Variants in GRM4 observed in about 807,000 individuals in gnomAD.
GRM4 encodes the protein glutamate metabotropic receptor 4, also known as metabotropic glutamate receptor 4.
GRM4 carries 28 observed loss-of-function variants against 81.7 expected under a neutral mutation model. The observed-to-expected ratio is 0.34, with a 90% CI of 0.25 to 0.47. The LOEUF (loss-of-function observed/expected upper bound fraction) is 0.47. GRM4 is among the 20% of genes least tolerant of loss of function. The pLI, the probability that GRM4 is intolerant of heterozygous loss-of-function variation, is 1.00. For missense variants in GRM4, 948 were observed against 1,290.0 expected, an observed-to-expected ratio of 0.73 and a Z score of 4.06; for synonymous variants, 488 against 528.8, an observed-to-expected ratio of 0.92 and a Z score of 1.06.
chr6:34,148,452 A>C (rs1770985867), upstream of GRM4, among the ~76,000 whole-genome samples: 1 of 151,832 alleles, frequency 6.6e-6, no homozygotes, highest in Non-Finnish European at 1.5e-5. Context: ...ACACACACAC[A>C]CCTCAAAGAA....
At position 34,034,624 on chromosome 6, in the gene GRM4, G is replaced by A. The variant is rs1378644654; in HGVS notation, c.2442+1044C>T. ...GTTCCCCACTCCTCTGGCTTCCTCA[G>A]CTCCACACTCCTTACAGTGTATTAA... On this transcript the variant is annotated intron_variant, in intron 9 of 10. Coordinates refer to ENST00000538487, the MANE Select transcript of GRM4 (RefSeq NM_000841.4). This position sits in a 1 kb window ranked among gnomAD's most constrained non-coding sequence, Gnocchi z 4.0. Among the ~76,000 whole-genome samples the A allele has an allele frequency of 6.6e-6, 1 of 152,172 alleles. No homozygotes were observed.
In GRM4 at chr6:34,092,395, G is replaced by T. The variant is rs1768283808; in HGVS notation, c.520-296C>A. ...CCTAAATTTACACAAAGAGCTCAAA[G>T]ATCCCAGCCCAGGGAAAATCCCCAC... is the stretch of plus-strand genomic sequence containing the variant. On this transcript the variant is annotated intron_variant, in intron 2 of 10. Transcript: ENST00000538487. This position sits in a 1 kb window ranked among gnomAD's most constrained non-coding sequence, Gnocchi z 6.8. Among the ~76,000 whole-genome samples the T allele has an allele frequency of 6.6e-6, 1 of 152,166 alleles. No individual in the cohort carries two copies. Among genetic ancestry groups the T allele is most frequent in the Non-Finnish European group, 1.5e-5 (1 of 68,014 alleles).
intron 2 of GRM4, among the ~76,000 whole-genome samples, chr6:34,113,269 G>A (rs1769459984): frequency 3.3e-5 from 5 of 151,800 alleles, no homozygotes; most frequent in South Asian, 2.1e-4. Context: ...CTCCCACCTC[G>A]GCCTCCTGAT....
chr6:34,019,787 C>T lies in GRM4; in HGVS notation c.*3034G>A, dbSNP rs1763805334. The T allele has an allele frequency of 6.6e-6, 1 of 152,188 alleles. No homozygotes were observed. The highest frequency in any genetic ancestry group is 1.5e-5 in the Non-Finnish European group (1 of 68,036). 9.4% of individuals were successfully genotyped at this position (152,188 alleles called of 1,614,324 possible). A position where few individuals can be genotyped will look rare whatever the true frequency, so the allele number is the denominator to read the frequency against. On this transcript the variant is annotated 3_prime_UTR_variant, in exon 11 of 11. Coordinates refer to ENST00000538487, the MANE Select transcript of GRM4 (RefSeq NM_000841.4). ...AAGATACTTAGCAGCTTTCTCCAGT[C>T]ATTAATAATTGAGGATGAGAGCAAA...
intron 1 of GRM4, among the ~76,000 whole-genome samples, chr6:34,139,714 G>A (rs542250220): frequency 1.4e-4 from 22 of 152,230 alleles, no homozygotes; most frequent in Non-Finnish European, 1.9e-4. Context: ...CAAAGCCAGC[G>A]CCCTGCCCAG....
chr6:34,120,703 C>T (rs2127503644), intron 2 of GRM4, among the ~76,000 whole-genome samples: 1 of 152,248 alleles, frequency 6.6e-6, no homozygotes, highest in East Asian at 1.9e-4. Context: ...GGATAGCCAA[C>T]CTCCACACAC....
At chr6:34,083,841 TC>T (rs1446479302) in intron 3 of GRM4, among the ~76,000 whole-genome samples, 1 of 152,088 alleles carries the variant, frequency 6.6e-6, no homozygotes, top group Non-Finnish European at 1.5e-5. Flanking sequence ...AAACCCCCGC[TC>T]CCTGCTCATT....
chr6:34,124,800 G>A (rs1769957719), intron 2 of GRM4, among the ~76,000 whole-genome samples: 2 of 152,104 alleles, frequency 1.3e-5, no homozygotes, highest in African/African-American at 4.8e-5. Flanking sequence ...TTCCAGATGG[G>A]AGACAGAAAG....
intron 2 of GRM4, among the ~76,000 whole-genome samples, chr6:34,129,718 C>T (rs1325674300): frequency 1.3e-5 from 2 of 152,152 alleles, no homozygotes; most frequent in Non-Finnish European, 2.9e-5. Flanking sequence ...AGAGGGCACC[C>T]GGCTTTGAGC....
intron 2 of GRM4, among the ~76,000 whole-genome samples, chr6:34,108,694 C>T (rs571271231): frequency 6.6e-6 from 1 of 152,310 alleles, no homozygotes; most frequent in African/African-American, 2.4e-5. Flanking sequence ...GCAGAGACCT[C>T]CCAATGTCCA....
At chr6:34,099,316 G>T (rs1265956621) in intron 2 of GRM4, among the ~76,000 whole-genome samples, 1 of 152,212 alleles carries the variant, frequency 6.6e-6, no homozygotes, top group Non-Finnish European at 1.5e-5. Flanking sequence ...CCTGCCCTCA[G>T]CCTGCAGGGG....
chr6:34,048,903 A>G lies in GRM4; in HGVS notation c.1168+7641T>C, dbSNP rs543207857. 4.6e-5 allele frequency among the ~76,000 whole-genome samples: 7 copies of G among 152,212 alleles called. No individual in the cohort carries two copies. Among genetic ancestry groups the G allele is most frequent in the Admixed American group, 2.0e-4 (3 of 15,288 alleles). ...TTCCTGTACAGCCTGCAGAACTGTG[A>G]GCCAATTAAACCTCCTGTCTTCATA... is the stretch of plus-strand genomic sequence containing the variant. On this transcript the variant is annotated intron_variant, in intron 6 of 10. Coordinates refer to ENST00000538487, the MANE Select transcript of GRM4 (RefSeq NM_000841.4). The surrounding 1 kb of genome is among the most constrained non-coding windows in gnomAD (Gnocchi z 4.0).
intron 10 of GRM4, among the ~76,000 whole-genome samples, chr6:34,027,584 T>C (rs1187855397): frequency 6.6e-6 from 1 of 152,144 alleles, no homozygotes; most frequent in Non-Finnish European, 1.5e-5. Flanking sequence ...AGGTGCCTGC[T>C]AGGGGGTGGC....
At chr6:34,067,818 G>C (rs971990048) in intron 3 of GRM4, among the ~76,000 whole-genome samples, 6 of 152,154 alleles carry the variant, frequency 3.9e-5, no homozygotes, top group African/African-American at 1.4e-4. Context: ...AGGTGGCAGA[G>C]GAAGGGCCCC....
upstream of GRM4, among the ~76,000 whole-genome samples, chr6:34,149,038 C>G (rs1770995886): frequency 6.6e-6 from 1 of 152,168 alleles, no homozygotes. Context: ...CCTGTGTGAC[C>G]TGGAAGTTCT....
chr6:34,132,584 C>T (rs539000405), intron 2 of GRM4, among the ~76,000 whole-genome samples: 6 of 152,206 alleles, frequency 3.9e-5, no homozygotes, highest in Non-Finnish European at 8.8e-5. Flanking sequence ...TATCCACCTG[C>T]GTATCTTTTT....
chr6:34,153,093 ACCT>A (rs567274161), intron 1 of GRM4, among the ~76,000 whole-genome samples: 1 of 151,994 alleles, frequency 6.6e-6, no homozygotes, highest in South Asian at 2.1e-4. Flanking sequence ...GACCCTGGAG[ACCT>A]CCTCACCTGC....
intron 3 of GRM4, among the ~76,000 whole-genome samples, chr6:34,083,519 C>T (rs1767717772): frequency 6.6e-6 from 1 of 152,142 alleles, no homozygotes; most frequent in South Asian, 2.1e-4. Flanking sequence ...ACTTAATTTC[C>T]ACCCGCAGCA....
chr6:34,145,545 G>A (rs956797937), intron 1 of GRM4, among the ~76,000 whole-genome samples: 2 of 152,224 alleles, frequency 1.3e-5, no homozygotes, highest in African/African-American at 4.8e-5. Context: ...AGCGGCAACA[G>A]CAGCAGGAAA....
Sources: allele counts gnomAD v4.1 joint callset (sites outside exome capture counted in the v4.1 genomes callset), GRCh38; gene constraint gnomAD v4.1.1; non-coding constraint Gnocchi (gnomAD v3.1); transcripts MANE v1.5; gene names NCBI Gene and HGNC (gene_info 2026-07-23, HGNC 2026-07-21).